Variants in CNTNAP2 observed in about 807,000 individuals in gnomAD.
The protein encoded by CNTNAP2 is contactin associated protein 2.
In CNTNAP2, 98 loss-of-function variants were observed where a neutral mutation model predicts 155.2. The observed-to-expected ratio is 0.63, with a 90% CI of 0.54 to 0.75. The LOEUF (loss-of-function observed/expected upper bound fraction) is 0.75. Among genes scored for constraint, CNTNAP2 ranks in the 30% least tolerant of loss-of-function variants. The pLI, the probability that CNTNAP2 is intolerant of heterozygous loss-of-function variation, is 0.00. For synonymous variants in CNTNAP2, 651 were observed against 631.2 expected, an observed-to-expected ratio of 1.03 and a Z score of -0.47; for missense variants, 1,727 against 1,688.1, an observed-to-expected ratio of 1.02 and a Z score of -0.40.
intron 1 of CNTNAP2, among the ~76,000 whole-genome samples, chr7:146,210,495 G>A (rs961876788): frequency 6.6e-6 from 1 of 152,052 alleles, no homozygotes; most frequent in African/African-American, 2.4e-5. Flanking sequence ...GTAGATACGG[G>A]GTTTCACAAT....
chr7:147,416,215 C>T (rs1314229227), intron 10 of CNTNAP2, among the ~76,000 whole-genome samples: 3 of 152,202 alleles, frequency 2.0e-5, no homozygotes, highest in African/African-American at 4.8e-5. Flanking sequence ...AGTTTCTCAA[C>T]CTGTGGCCAC....
intron 9 of CNTNAP2, among the ~76,000 whole-genome samples, chr7:147,322,113 T>C (rs1404703): frequency 0.49 from 74,698 of 151,972 alleles, 19,526 homozygotes; most frequent in East Asian, 0.73. Flanking sequence ...ATCCAAGTTC[T>C]AGATAGGAGG....
chr7:146,428,965 A>G lies in CNTNAP2; in HGVS notation c.97+311992A>G, dbSNP rs116344284. ...AAGGGGTCAATTTTCAATTTTCTGCATATGGCTAGCAGGGAATCTTTCCTC... is the reference window on the plus strand; with the variant it reads ...AAGGGGTCAATTTTCAATTTTCTGCGTATGGCTAGCAGGGAATCTTTCCTC... On this transcript the variant is annotated intron_variant, in intron 1 of 23. Transcript: ENST00000361727. Among the ~76,000 whole-genome samples, 931 of 152,146 alleles carry G rather than the reference A, an allele frequency of 6.1e-3. 7 individuals are homozygous for G. Among genetic ancestry groups the G allele is most frequent in the African/African-American group, 0.02 (829 of 41,552 alleles).
intron 9 of CNTNAP2, among the ~76,000 whole-genome samples, chr7:147,325,902 C>T (rs1316605192): frequency 6.6e-6 from 1 of 152,088 alleles, no homozygotes; most frequent in Non-Finnish European, 1.5e-5. Flanking sequence ...CTCCAGCCTC[C>T]AGCCTCCACT....
chr7:146,960,300 T>C (rs1797530116), intron 3 of CNTNAP2, among the ~76,000 whole-genome samples: 1 of 152,250 alleles, frequency 6.6e-6, no homozygotes, highest in South Asian at 2.1e-4. Context: ...TTCTTATTAC[T>C]TATTTTGAGA....
rs140009924 is a variant in CNTNAP2, at chr7:147,141,076, A to G, written c.1348+8567A>G. Reference sequence around the variant, plus strand: ...GCATTAATTATCTTGCTATGGCTCCAATAACCTCGTAAGTTAGGTCCTGCA... The same window carrying G: ...GCATTAATTATCTTGCTATGGCTCCGATAACCTCGTAAGTTAGGTCCTGCA... On this transcript the variant is annotated intron_variant, in intron 8 of 23. Transcript: ENST00000361727. Among the ~76,000 whole-genome samples, 657 of 152,304 alleles carry G rather than the reference A, an allele frequency of 4.3e-3. 6 individuals carry two copies. The highest frequency in any genetic ancestry group is 0.015 in the African/African-American group (627 of 41,576).
chr7:148,077,835 A>G (rs901421410), intron 15 of CNTNAP2, among the ~76,000 whole-genome samples: 3 of 152,222 alleles, frequency 2.0e-5, no homozygotes, highest in Non-Finnish European at 4.4e-5. Context: ...AGAAGTTGAT[A>G]TACACTATTT....
In CNTNAP2 at chr7:148,253,998, C is replaced by T. The variant is rs116400030; in HGVS notation, c.3382-13035C>T. Among the ~76,000 whole-genome samples the T allele has an allele frequency of 1.8e-3, 278 of 152,032 alleles. 2 individuals are homozygous for T. Among genetic ancestry groups the T allele is most frequent in the African/African-American group, 6.3e-3 (260 of 41,466 alleles). On this transcript the variant is annotated intron_variant, in intron 20 of 23. Coordinates refer to ENST00000361727, the MANE Select transcript of CNTNAP2 (RefSeq NM_014141.6). ...TCCCAAGAATACTGTATTTTTGATC[C>T]GCATTTGGTTGAAAAAAAAATCCAC...
intron 1 of CNTNAP2, among the ~76,000 whole-genome samples, chr7:146,150,115 C>T (rs571120050): frequency 6.6e-6 from 1 of 152,150 alleles, no homozygotes; most frequent in African/African-American, 2.4e-5. Context: ...GAAAGATTTG[C>T]ACTGTTTACA....
At chr7:146,484,028 A>C (rs1797019731) in intron 1 of CNTNAP2, among the ~76,000 whole-genome samples, 1 of 152,194 alleles carries the variant, frequency 6.6e-6, no homozygotes, top group Non-Finnish European at 1.5e-5. Flanking sequence ...TAAGTGCACT[A>C]TACAAGTGTA....
At chr7:146,824,426 T>C (rs1803359790) in intron 2 of CNTNAP2, among the ~76,000 whole-genome samples, 1 of 152,172 alleles carries the variant, frequency 6.6e-6, no homozygotes, top group South Asian at 2.1e-4. Context: ...TTGGGTCAAA[T>C]GGTATTTCTG....
chr7:146,664,832 T>C (rs779161211), intron 1 of CNTNAP2, among the ~76,000 whole-genome samples: 61 of 152,336 alleles, frequency 4.0e-4, no homozygotes, highest in Middle Eastern at 6.8e-3. Context: ...TATAGGACTA[T>C]TTAGGCTGTT....
rs538587428 is a variant in CNTNAP2 at position 146,960,486 on chromosome 7, A to G, written c.403-83421A>G. 4.6e-5 allele frequency among the ~76,000 whole-genome samples: 7 copies of G among 152,200 alleles called. No homozygotes were observed. In the East Asian group the frequency reaches 1.4e-3, roughly 30 times the overall value. On this transcript the variant is annotated intron_variant, in intron 3 of 23. Coordinates refer to ENST00000361727, the MANE Select transcript of CNTNAP2 (RefSeq NM_014141.6). ...TGCAGTTTTTCTTTTTACGGAGTTC[A>G]TAGTGGTCATTTGAAATATGATGTG...
chr7:147,761,996 C>T (rs1797309023), intron 13 of CNTNAP2, among the ~76,000 whole-genome samples: 2 of 152,198 alleles, frequency 1.3e-5, no homozygotes, highest in East Asian at 3.9e-4. Flanking sequence ...TATTCATATA[C>T]TAACTCCATG....
At chr7:148,105,674 A>G (rs10252536) in intron 15 of CNTNAP2, among the ~76,000 whole-genome samples, 24,856 of 150,902 alleles carry the variant, frequency 0.16, 5,619 homozygotes, top group African/African-American at 0.51. Flanking sequence ...CACAACCTCC[A>G]CCTCCCAGGT....
chr7:147,111,375 T>C (rs1040951501), intron 5 of CNTNAP2, among the ~76,000 whole-genome samples: 1 of 152,156 alleles, frequency 6.6e-6, no homozygotes, highest in African/African-American at 2.4e-5. Context: ...AGTTTAATTA[T>C]ATCCCATCTG....
intron 19 of CNTNAP2, among the ~76,000 whole-genome samples, chr7:148,219,633 A>C (rs1336540300): frequency 3.9e-5 from 6 of 152,158 alleles, no homozygotes; most frequent in Non-Finnish European, 8.8e-5. Flanking sequence ...GTAGTTCAAG[A>C]CTAGCCTGGG....
chr7:148,263,056 G>T (rs943244997), intron 20 of CNTNAP2: 1 of 152,246 alleles, frequency 6.6e-6, no homozygotes, highest in African/African-American at 2.4e-5. Flanking sequence ...AAGGCAGGCA[G>T]GAGTATGCGA....
intron 3 of CNTNAP2, among the ~76,000 whole-genome samples, chr7:146,841,376 G>T (rs573977404): frequency 1.7e-3 from 256 of 147,096 alleles, no homozygotes; most frequent in African/African-American, 5.9e-3. Context: ...GGGGTTGGGT[G>T]GGGGGAAGGG....
Sources: gnomAD v4.1 joint callset for allele counts (sites outside exome capture counted in the v4.1 genomes callset) on GRCh38, gnomAD v4.1.1 for gene constraint, MANE v1.5 for transcripts, NCBI Gene and HGNC (gene_info 2026-07-23, HGNC 2026-07-21) for gene names.